Variants in SORBS2 observed in about 807,000 individuals in gnomAD.
The protein encoded by SORBS2 is sorbin and SH3 domain containing 2, also known as sorbin and SH3 domain-containing protein 2.
Under a neutral mutation model 97.7 loss-of-function variants are expected in SORBS2, and 46 were observed. That is an observed-to-expected ratio of 0.47 (90% CI 0.37 to 0.60). SORBS2 has a LOEUF of 0.60. Ranked by LOEUF, SORBS2 falls within the 20% of genes least tolerant of loss-of-function variation. SORBS2 has a pLI of 0.00. For synonymous variants in SORBS2, 476 were observed against 473.4 expected (o/e 1.01, Z -0.07); for missense variants, 1,316 against 1,282.3 (o/e 1.03, Z -0.40).
chr4:185,761,532 T>C (rs551856982), intron 2 of SORBS2: 2 of 152,360 alleles, frequency 1.3e-5, no homozygotes, highest in South Asian at 2.1e-4. Context: ...ATGCTCCCAG[T>C]GACTGTCACG....
At chr4:185,713,585 T>C (rs972551114) in intron 2 of SORBS2, among the ~76,000 whole-genome samples, 1 of 152,170 alleles carries the variant, frequency 6.6e-6, no homozygotes, top group Non-Finnish European at 1.5e-5. Flanking sequence ...GGGATGAGTA[T>C]TACAAGTTGC....
intron 9 of SORBS2, among the ~76,000 whole-genome samples, chr4:185,617,355 T>C (rs1398507915): frequency 1.3e-5 from 2 of 152,216 alleles, no homozygotes; most frequent in African/African-American, 4.8e-5. Flanking sequence ...ATTTAAGCCA[T>C]GTTCAACATC....
intron 14 of SORBS2, among the ~76,000 whole-genome samples, chr4:185,588,404 T>TGTAA (rs2095838348): frequency 6.6e-6 from 1 of 152,226 alleles, no homozygotes; most frequent in African/African-American, 2.4e-5. Context: ...TTTCAAATAA[T>TGTAA]GTAATTCCTT....
At chr4:185,696,689 G>A (rs143143194) in intron 2 of SORBS2, among the ~76,000 whole-genome samples, 1,905 of 152,170 alleles carry the variant, frequency 0.013, 29 homozygotes, top group African/African-American at 0.04. Flanking sequence ...TGATCCACCC[G>A]CCTCGGCCTC....
At chr4:185,863,869 C>G (rs1173484674) in intron 1 of SORBS2, among the ~76,000 whole-genome samples, 1 of 152,032 alleles carries the variant, frequency 6.6e-6, no homozygotes, top group African/African-American at 2.4e-5. Flanking sequence ...GTTGTTTGTA[C>G]AATTTAGAAA....
intron 1 of SORBS2, among the ~76,000 whole-genome samples, chr4:185,809,455 C>CAAAAA (rs55713465): frequency 0.024 from 1,117 of 47,278 alleles, 324 homozygotes; most frequent in Non-Finnish European, 0.029. Context: ...ACTGCATTTG[C>CAAAAA]AAAAAAAAAA....
chr4:185,716,591 T>C (rs566479813), intron 2 of SORBS2, among the ~76,000 whole-genome samples: 1 of 145,354 alleles, frequency 6.9e-6, no homozygotes, highest in South Asian at 2.1e-4. Flanking sequence ...TTCTCTTGTA[T>C]AAATGAGTTT....
At chr4:185,647,317 C>T (rs938808513) in intron 3 of SORBS2, among the ~76,000 whole-genome samples, 6 of 152,086 alleles carry the variant, frequency 3.9e-5, no homozygotes, top group Non-Finnish European at 8.8e-5. Flanking sequence ...GGAATATCTT[C>T]CAAGAGGCTG....
chr4:185,805,149 G>A (rs1247962681), intron 1 of SORBS2, among the ~76,000 whole-genome samples: 1 of 151,988 alleles, frequency 6.6e-6, no homozygotes, highest in African/African-American at 2.4e-5. Context: ...ATGATGTGTT[G>A]CATTTGAGCT....
In SORBS2 at chr4:185,934,948, T is replaced by C. The variant is rs183782118; in HGVS notation, c.-338+21248A>G. ...CTTGATCATGGCTCTTCGGGATAGT[T>C]TGTTACTGAGTCAGGTCGCTTCTCC... On this transcript the variant is annotated intron_variant, in intron 1 of 20. Transcript: ENST00000284776. Among the ~76,000 whole-genome samples the C allele has an allele frequency of 2.5e-3, 377 of 152,284 alleles. 1 individual carries two copies. The highest frequency in any genetic ancestry group is 8.8e-3 in the African/African-American group (365 of 41,560).
intron 13 of SORBS2, 75 bp from the exon 26 acceptor site, chr4:185,589,860 A>G: frequency 1.1e-6 from 1 of 872,912 alleles, no homozygotes; most frequent in Non-Finnish European, 1.9e-6. Context: ...AACAATATTC[A>G]TTCTTCCTTT....
chr4:185,688,641 A>G (rs1156287226), intron 2 of SORBS2, among the ~76,000 whole-genome samples: 1 of 152,170 alleles, frequency 6.6e-6, no homozygotes, highest in Non-Finnish European at 1.5e-5. Flanking sequence ...CTATCTGTAG[A>G]TAGATAATGC....
At chr4:185,699,265 T>A (rs2098223496) in intron 2 of SORBS2, among the ~76,000 whole-genome samples, 1 of 151,178 alleles carries the variant, frequency 6.6e-6, no homozygotes, top group African/African-American at 2.4e-5. Flanking sequence ...TTACAAAGTT[T>A]ATCCAGAATG....
At chr4:185,629,994 C>A (rs1581349992) in intron 5 of SORBS2, among the ~76,000 whole-genome samples, 1 of 152,210 alleles carries the variant, frequency 6.6e-6, no homozygotes, top group East Asian at 1.9e-4. Flanking sequence ...TCTCTCCTTG[C>A]CAACTGTGTA....
At chr4:185,593,743 C>A (rs1035288685) in intron 13 of SORBS2, 143 bp downstream of exon 25, 1 of 643,842 alleles carries the variant, frequency 1.6e-6, no homozygotes, top group African/African-American at 1.9e-5. Context: ...GATGGAGAGA[C>A]TATTACAATT....
chr4:185,597,435 A>T (rs1223997450), intron 12 of SORBS2, among the ~76,000 whole-genome samples: 1 of 152,232 alleles, frequency 6.6e-6, no homozygotes, highest in Non-Finnish European at 1.5e-5. Flanking sequence ...AAAAAAAAAT[A>T]ATGGTTACAA....
In SORBS2 at chr4:185,645,672, G is replaced by C. The variant is rs2097195885; in HGVS notation, c.396+996C>G. The C allele has an allele frequency of 2.0e-5, 3 of 152,204 alleles. No individual in the cohort carries two copies. The South Asian group carries it at 6.2e-4, about 32-fold the overall frequency. 9.4% of individuals were successfully genotyped at this position (152,204 alleles called of 1,614,324 possible). On this transcript the variant is annotated intron_variant, in intron 4 of 14. Coordinates refer to ENST00000418609, the Ensembl canonical transcript of SORBS2. ...GTGTGATTTCTTGGAGACTCTTGAAGGAGCTCCACAAAGAAAACTCTCTTT... is the reference window on the plus strand; with the variant it reads ...GTGTGATTTCTTGGAGACTCTTGAACGAGCTCCACAAAGAAAACTCTCTTT...
In SORBS2 at chr4:185,637,154, G is replaced by A. The variant is rs193103311; in HGVS notation, c.397-6556C>T. ...TCATGTGTTGCATAATGACGTTTCC[G>A]TCAACGATGCACCTATATATGATGG... On this transcript the variant is annotated intron_variant, in intron 4 of 14. Coordinates refer to ENST00000418609, the Ensembl canonical transcript of SORBS2. Among the ~76,000 whole-genome samples the A allele has an allele frequency of 2.6e-4, 39 of 152,274 alleles. 1 individual carries two copies. Among genetic ancestry groups the A allele is most frequent in the African/African-American group, 8.7e-4 (36 of 41,554 alleles).
At position 185,616,182 on chromosome 4, in the gene SORBS2, T is replaced by C. The variant is rs536823467; in HGVS notation, c.2352-1023A>G. 1.8e-4 allele frequency among the ~76,000 whole-genome samples: 27 copies of C among 152,320 alleles called. 1 individual carries two copies. The South Asian group carries it at 4.6e-3, about 26-fold the overall frequency. The stretch of plus-strand genomic sequence containing the variant: ...TTAATCTTTTTTTAAAAAATTTTGG[T>C]TCAGAATTTTCAGTTGGATCATTTA... On this transcript the variant is annotated intron_variant, in intron 9 of 14. Transcript: ENST00000418609.
Sources: allele counts gnomAD v4.1 joint callset (sites outside exome capture counted in the v4.1 genomes callset), GRCh38; gene constraint gnomAD v4.1.1; transcripts MANE v1.5; gene names NCBI Gene and HGNC (gene_info 2026-07-23, HGNC 2026-07-21).